Variants in HID1 observed in about 807,000 individuals in gnomAD.
HID1 encodes HID1 domain containing.
A neutral mutation model predicts 89.7 loss-of-function variants in HID1; 42 were observed. That is an observed-to-expected ratio of 0.47 (90% confidence interval 0.37 to 0.61). The LOEUF (loss-of-function observed/expected upper bound fraction) is 0.61. HID1 is among the 20% of genes least tolerant of loss of function. The pLI, the probability that HID1 is intolerant of heterozygous loss-of-function variation, is 0.00. For missense variants in HID1, 854 were observed against 1,039.3 expected (o/e 0.82, Z 2.45); for synonymous variants, 442 against 433.8 (o/e 1.02, Z -0.24).
intron 13 of HID1, chr17:74,954,712 C>T (rs1399561620): frequency 8.7e-6 from 3 of 344,308 alleles, no homozygotes; most frequent in Non-Finnish European, 1.6e-5. Context: ...AATATTCTGA[C>T]TCTCTTCCCA....
In HID1 at chr17:74,959,762, AG is replaced by A; in HGVS notation, c.1008+118del. The A allele has an allele frequency of 9.6e-7, 1 of 1,043,128 alleles. No individual in the cohort carries two copies. Among genetic ancestry groups the A allele is most frequent in the Non-Finnish European group, 1.5e-6 (1 of 683,856 alleles). 64.6% of individuals were successfully genotyped at this position (1,043,128 alleles called of 1,614,324 possible). A position where few individuals can be genotyped will look rare whatever the true frequency, so the allele number is the denominator to read the frequency against. On this transcript the variant is annotated intron_variant, in intron 8 of 18. Coordinates refer to ENST00000425042, the MANE Select transcript of HID1 (RefSeq NM_030630.3). The surrounding 1 kb of genome is among the most constrained non-coding windows in gnomAD (Gnocchi z 4.6). ...TCACAGTCCTGCCACTATTTCACCT[AG>A]GGTGGCCCCAGCCCACAGAGAGCAT...
intron 13 of HID1, among the ~76,000 whole-genome samples, chr17:74,955,501 GA>G (rs34128961): frequency 0.77 from 115,143 of 148,836 alleles, 47,121 homozygotes; most frequent in Non-Finnish European, 0.93. Context: ...ACGCCGTCGG[GA>G]AAAAAAAAAA....
At position 74,951,918 on chromosome 17, in the gene HID1, C is replaced by T. The variant is rs776593846; in HGVS notation, c.2290G>A (p.Val764Ile). Residue 764 changes from valine to isoleucine, a missense_variant, in exon 18 of 19, where the codon GTC (valine) becomes ATC (isoleucine). By Grantham distance (29) the Val-to-Ile change is conservative. Coordinates refer to ENST00000425042, the MANE Select transcript of HID1 (RefSeq NM_030630.3). ...CCCGGGGCCCACCTCAGATAGATGA[C>T]GCCCCACATGTAGGTGCGGAACCAC... ...AMWFRTYMWG[V>I]IYLRNVDPPV... 80 of 1,530,794 alleles carry T rather than the reference C, an allele frequency of 5.2e-5. 1 individual carries two copies. The South Asian group carries it at 7.9e-4, about 15-fold the overall frequency. The allele number at this position is 1,530,794 out of a possible 1,614,324, so 94.8% of individuals were successfully genotyped here.
At chr17:74,952,890 C>T in intron 16 of HID1, 116 bp downstream of exon 16, 3 of 748,002 alleles carry the variant, frequency 4.0e-6, no homozygotes, top group Non-Finnish European at 6.4e-6. Flanking sequence ...TTGATTCGGA[C>T]ATCTTGCCAT....
chr17:74,962,219 C>G lies in HID1; in HGVS notation c.611+15G>C. ...TCCAGCTGCATTGAGGGCTCCGGGC[C>G]TGGGCGAAGCTCACCGGTTCATATC... On this transcript the variant is annotated intron_variant, in intron 5 of 18. Coordinates refer to ENST00000425042, the MANE Select transcript of HID1 (RefSeq NM_030630.3). This position sits in a 1 kb window ranked among gnomAD's most constrained non-coding sequence, Gnocchi z 4.3. The G allele has an allele frequency of 6.3e-7, 1 of 1,592,274 alleles. No individual in the cohort carries two copies. The highest frequency in any genetic ancestry group is 1.7e-4 in the Middle Eastern group (1 of 5,988).
intron 1 of HID1, among the ~76,000 whole-genome samples, chr17:74,969,968 A>G (rs1450791753): frequency 8.6e-5 from 12 of 138,752 alleles, no homozygotes; most frequent in Admixed American, 6.1e-4. Context: ...TTGTTGCCCA[A>G]GCTAGAAGCA....
Position 74,961,923 on chromosome 17 carries a change from T to C in HID1, c.678A>G (p.Glu226=). 1.2e-6 allele frequency: 2 copies of C among 1,604,152 alleles called. No individual in the cohort carries two copies. Among genetic ancestry groups the C allele is most frequent in the Non-Finnish European group, 1.7e-6 (2 of 1,175,172 alleles). The change falls in exon 6 of 19, where the codon GAA becomes GAG. Residue 226 remains glutamate (E), a synonymous_variant. Transcript: ENST00000425042. ...SEAMYLPPAP[E]SGSTNPWVQF... is the part of the protein sequence containing the mutation. ...GAACCCATGGGTTGGTGCTGCCACTTTCCGGAGCTGGGGGCAGGTACATGG... is the reference window on the plus strand; with the variant it reads ...GAACCCATGGGTTGGTGCTGCCACTCTCCGGAGCTGGGGGCAGGTACATGG...
chr17:74,969,685 T>C (rs891240518), intron 1 of HID1, among the ~76,000 whole-genome samples: 1 of 152,034 alleles, frequency 6.6e-6, no homozygotes, highest in Non-Finnish European at 1.5e-5. Context: ...CACCGTAACC[T>C]TGAACTCCTG....
At position 74,962,578 on chromosome 17, in the gene HID1, C is replaced by T. The variant is rs537484320; in HGVS notation, c.505-238G>A. Among the ~76,000 whole-genome samples the T allele has an allele frequency of 6.6e-6, 1 of 152,132 alleles. No homozygotes were observed. Among genetic ancestry groups the T allele is most frequent in the African/African-American group, 2.4e-5 (1 of 41,500 alleles). On this transcript the variant is annotated intron_variant, in intron 4 of 18. Transcript: ENST00000425042. The surrounding 1 kb of genome is among the most constrained non-coding windows in gnomAD (Gnocchi z 4.3). ...GACTGGTTCTTTCACTTGCTCAGTC[C>T]AGTTTGGGACAGGGAGAAAGGGAGG...
rs775192027 is a variant in HID1, at chr17:74,958,307, G to C, written c.1392+20C>G. 1.2e-5 allele frequency: 19 copies of C among 1,611,888 alleles called. No individual in the cohort carries two copies. Among genetic ancestry groups the C allele is most frequent in the Non-Finnish European group, 1.5e-5 (18 of 1,179,232 alleles). ...CACCACCCCTGCACCTCCTGGGCCC[G>C]GCCGCACGAGCCCCCTCACCACAAT... On this transcript the variant is annotated intron_variant, in intron 11 of 18. Transcript: ENST00000425042. This position sits in a 1 kb window ranked among gnomAD's most constrained non-coding sequence, Gnocchi z 5.2.
At position 74,952,285 on chromosome 17, in the gene HID1, T is replaced by A; in HGVS notation, c.2128A>T (p.Lys710Ter). 1 of 1,613,510 alleles carries A rather than the reference T, an allele frequency of 6.2e-7. No homozygotes were observed. Among genetic ancestry groups the A allele is most frequent in the South Asian group, 1.1e-5 (1 of 91,042 alleles). ...CCGACTCACTTGTCAATGCAGATCT[T>A]CTCCACCTGCGGAACCAGCACCTGC... ...LLQVLVPQVE[K>*]ICIDKGLTDE... Residue 710 changes from lysine to a stop codon, truncating the protein, a stop_gained, in exon 17 of 19, where the codon AAG becomes TAG. Coordinates refer to ENST00000425042, the MANE Select transcript of HID1 (RefSeq NM_030630.3). LOFTEE classifies it high-confidence loss of function.
At chr17:74,957,195 C>T (rs886257358) in intron 12 of HID1, among the ~76,000 whole-genome samples, 5 of 151,824 alleles carry the variant, frequency 3.3e-5, no homozygotes, top group African/African-American at 9.7e-5. Context: ...GAAATATGGC[C>T]GGGTGTGGTG....
intron 1 of HID1, among the ~76,000 whole-genome samples, chr17:74,969,889 C>G (rs1318891002): frequency 6.6e-6 from 1 of 151,696 alleles, no homozygotes; most frequent in African/African-American, 2.4e-5. Flanking sequence ...CCATGAGCCA[C>G]CACGCCTGGC....
chr17:74,958,572 C>A lies in HID1; in HGVS notation c.1241-94G>T. The A allele has an allele frequency of 1.3e-6, 2 of 1,586,118 alleles. No individual in the cohort carries two copies. Among genetic ancestry groups the A allele is most frequent in the South Asian group, 2.2e-5 (2 of 89,032 alleles). On this transcript the variant is annotated intron_variant, in intron 10 of 18. Coordinates refer to ENST00000425042, the MANE Select transcript of HID1 (RefSeq NM_030630.3). The surrounding 1 kb of genome is among the most constrained non-coding windows in gnomAD (Gnocchi z 5.2). The stretch of plus-strand genomic sequence containing the variant: ...TTTGGAGGCCTCCCTCCTAGGAGGT[C>A]AGAGTGCCAGGCCTGAGCTCCTGGG...
rs1010980889 is a variant in HID1 at position 74,962,110 on chromosome 17, A to C, written c.612-121T>G. The C allele has an allele frequency of 5.3e-5, 59 of 1,112,026 alleles. 1 individual carries two copies. Among genetic ancestry groups the C allele is most frequent in the Non-Finnish European group, 7.2e-5 (56 of 778,968 alleles). 68.9% of individuals were successfully genotyped at this position (1,112,026 alleles called of 1,614,324 possible). On this transcript the variant is annotated intron_variant, in intron 5 of 18. Coordinates refer to ENST00000425042, the MANE Select transcript of HID1 (RefSeq NM_030630.3). The surrounding 1 kb of genome is among the most constrained non-coding windows in gnomAD (Gnocchi z 4.3). ...GAAGTTACTCCCGTTGACCCCTGTAAGGTCAAGGTCGGGTCATAGGTGAGG... is the reference window on the plus strand; with the variant it reads ...GAAGTTACTCCCGTTGACCCCTGTACGGTCAAGGTCGGGTCATAGGTGAGG...
rs1216043481 is a variant in HID1 at position 74,972,713 on chromosome 17, T to TCAGCTCCGGCTC, written c.-69_-58dup. 87 of 1,458,368 alleles carry TCAGCTCCGGCTC rather than the reference T, an allele frequency of 6.0e-5. No individual in the cohort carries two copies. Among genetic ancestry groups the TCAGCTCCGGCTC allele is most frequent in the Non-Finnish European group, 6.2e-5 (68 of 1,089,164 alleles). The allele number at this position is 1,458,368 out of a possible 1,614,324, so 90.3% of individuals were successfully genotyped here. On this transcript the variant is annotated 5_prime_UTR_variant, in exon 1 of 19. Coordinates refer to ENST00000425042, the MANE Select transcript of HID1 (RefSeq NM_030630.3). This position sits in a 1 kb window ranked among gnomAD's most constrained non-coding sequence, Gnocchi z 6.4. ...CCCAGACTCCAACCCGGCTCCGGCT[T>TCAGCTCCGGCTC]CAGCTCCGGCTCCAGCTCCGCGGCC... is the stretch of plus-strand genomic sequence containing the variant.
At chr17:74,957,879 G>A (rs1293418144) in intron 12 of HID1, 4 of 453,032 alleles carry the variant, frequency 8.8e-6, no homozygotes, top group Non-Finnish European at 1.6e-5. Flanking sequence ...CAGCCTGGGC[G>A]ACAAGACTGA....
At position 74,963,780 on chromosome 17, in the gene HID1, C is replaced by T; in HGVS notation, c.347G>A (p.Gly116Asp). ...CCCGGGCACTGTGGACCAGAAGAAG[C>T]CCCTCCAGTCGGGGTCCTCAAAGAT... ...PYIFEDPDWR[G>D]FFWSTVPGAG... Residue 116 changes from glycine to aspartate, a missense_variant, in exon 3 of 19, where the codon GGC becomes GAC. Coordinates refer to ENST00000425042, the MANE Select transcript of HID1 (RefSeq NM_030630.3). 6.2e-7 allele frequency: 1 copy of T among 1,613,684 alleles called. No homozygotes were observed. The highest frequency in any genetic ancestry group is 1.3e-5 in the African/African-American group (1 of 75,060).
rs762569861 is a variant in HID1 at position 74,958,078 on chromosome 17, G to T, written c.1471+63C>A. 6.8e-7 allele frequency: 1 copy of T among 1,470,480 alleles called. No individual in the cohort carries two copies. The highest frequency in any genetic ancestry group is 2.5e-5 in the East Asian group (1 of 40,788). The allele number at this position is 1,470,480 out of a possible 1,614,324, so 91.1% of individuals were successfully genotyped here. A position where few individuals can be genotyped will look rare whatever the true frequency, so the allele number is the denominator to read the frequency against. On this transcript the variant is annotated intron_variant, in intron 12 of 18. Coordinates refer to ENST00000425042, the MANE Select transcript of HID1 (RefSeq NM_030630.3). The surrounding 1 kb of genome is among the most constrained non-coding windows in gnomAD (Gnocchi z 5.2). ...GCTTGAAACCTGGAGCAAGTGGCAG[G>T]TTGGCCTGTGGCCTGACACCACCTG...
Sources: gnomAD v4.1 joint callset for allele counts (sites outside exome capture counted in the v4.1 genomes callset) on GRCh38, gnomAD v4.1.1 for gene constraint, Gnocchi (gnomAD v3.1) non-coding constraint, MANE v1.5 for transcripts, NCBI Gene and HGNC (gene_info 2026-07-23, HGNC 2026-07-21) for gene names.